Variants in SCAF8 observed in about 807,000 individuals in gnomAD.
SCAF8 encodes the protein SR-related CTD associated factor 8.
Under a neutral mutation model 140.5 loss-of-function variants are expected in SCAF8, and 23 were observed. The observed-to-expected ratio is 0.16, with a 90% CI of 0.12 to 0.23. The LOEUF (loss-of-function observed/expected upper bound fraction) is 0.23, where lower values mean the gene tolerates loss of function less well. Ranked by LOEUF, SCAF8 falls within the 10% of genes least tolerant of loss-of-function variation. SCAF8 has a pLI of 1.00. For missense variants in SCAF8, 1,397 were observed against 1,555.7 expected, an observed-to-expected ratio of 0.90 and a Z score of 1.72; for synonymous variants, 575 against 528.9, an observed-to-expected ratio of 1.09 and a Z score of -1.20.
intron 12 of SCAF8, among the ~76,000 whole-genome samples, chr6:154,811,408 T>A (rs951631102): frequency 1.3e-5 from 2 of 151,972 alleles, no homozygotes; most frequent in African/African-American, 4.8e-5. Context: ...TTTTTTTTTT[T>A]AACCATTTAA....
intron 1 of SCAF8, among the ~76,000 whole-genome samples, chr6:154,770,386 A>ACACACACACACT (rs1776706039): frequency 7.5e-6 from 1 of 133,428 alleles, no homozygotes; most frequent in Non-Finnish European, 1.6e-5. Context: ...ACACACACAC[A>ACACACACACACT]CACTCTCTCT....
intron 1 of SCAF8, among the ~76,000 whole-genome samples, chr6:154,751,358 A>G (rs1202723514): frequency 6.6e-6 from 1 of 151,976 alleles, no homozygotes; most frequent in Non-Finnish European, 1.5e-5. Context: ...ACTCCCGAGT[A>G]GCTGGGATTA....
rs370070073 is a variant in SCAF8 at position 154,733,949 on chromosome 6, T to C, written c.30+19T>C. The C allele has an allele frequency of 4.6e-6, 7 of 1,526,972 alleles. No homozygotes were observed. The African/African-American group carries it at 1.0e-4, about 22-fold the overall frequency. The allele number at this position is 1,526,972 out of a possible 1,614,324, so 94.6% of individuals were successfully genotyped here. On this transcript the variant is annotated intron_variant, in intron 1 of 19. Coordinates refer to ENST00000367178, the MANE Select transcript of SCAF8 (RefSeq NM_014892.5). ...TAGCGAGGTTGGTATGGCAGCCGGG[T>C]TCCCCTGCTCCTGCCCGCACCGCCC...
At chr6:154,776,284 A>T (rs902724668) in intron 2 of SCAF8, among the ~76,000 whole-genome samples, 1 of 150,810 alleles carries the variant, frequency 6.6e-6, no homozygotes, top group African/African-American at 2.4e-5. Context: ...AACTGCATTT[A>T]GTGTGTATAT....
chr6:154,784,122 TATATATATA>T (rs1040492997), intron 3 of SCAF8, among the ~76,000 whole-genome samples: 11 of 18,690 alleles, frequency 5.9e-4, no homozygotes, highest in South Asian at 3.1e-3. Context: ...TGTCTTGAGA[TATATATATA>T]TATATATATA....
At chr6:154,768,200 C>A (rs1310553258) in intron 1 of SCAF8, among the ~76,000 whole-genome samples, 1 of 152,170 alleles carries the variant, frequency 6.6e-6, no homozygotes, top group African/African-American at 2.4e-5. Context: ...GCAACTGCGG[C>A]TGAAGATCTC....
rs58596375 is a variant in SCAF8, at chr6:154,770,388, ACTCTCTCTCTCTCTCTCT to A, written c.31-3582_31-3565del. 8.0e-3 allele frequency among the ~76,000 whole-genome samples: 1,142 copies of A among 141,970 alleles called. 17 individuals carry two copies. Among genetic ancestry groups the A allele is most frequent in the African/African-American group, 0.027 (1,046 of 38,252 alleles). 93.1% of individuals were successfully genotyped at this position (141,970 alleles called of 152,430 possible). A position where few individuals can be genotyped will look rare whatever the true frequency, so the allele number is the denominator to read the frequency against. On this transcript the variant is annotated intron_variant, in intron 1 of 19. Transcript: ENST00000367178. ...TTGAGGTACACACACACACACACAC[ACTCTCTCTCTCTCTCTCT>A]CTCTCTCTCTCTCTCTCTAGTTGAG...
At chr6:154,733,971 G>T (rs1008715165) in intron 1 of SCAF8, 41 bp downstream of exon 1, 2 of 1,501,248 alleles carry the variant, frequency 1.3e-6, no homozygotes, top group South Asian at 1.3e-5. Context: ...TGCCCGCACC[G>T]CCCCCACCCC....
intron 11 of SCAF8, among the ~76,000 whole-genome samples, 171 bp from the exon 12 acceptor site, chr6:154,809,844 G>A (rs148186945): frequency 0.015 from 2,273 of 152,158 alleles, 20 homozygotes; most frequent in Middle Eastern, 0.044. Flanking sequence ...AGCAGCACAC[G>A]GATTTAAGTA....
At chr6:154,813,594 G>T (rs151291657) in intron 12 of SCAF8, among the ~76,000 whole-genome samples, 1 of 152,168 alleles carries the variant, frequency 6.6e-6, no homozygotes, top group Non-Finnish European at 1.5e-5. Flanking sequence ...AGGTTTTGTG[G>T]TAGATTGGAT....
At chr6:154,794,259 C>A (rs1777519942) in intron 5 of SCAF8, among the ~76,000 whole-genome samples, 1 of 152,074 alleles carries the variant, frequency 6.6e-6, no homozygotes, top group African/African-American at 2.4e-5. Context: ...TGTGTACTTA[C>A]TATAAAATTT....
At chr6:154,779,074 C>T (rs1237883280) in intron 3 of SCAF8, among the ~76,000 whole-genome samples, 2 of 151,916 alleles carry the variant, frequency 1.3e-5, no homozygotes, top group Non-Finnish European at 2.9e-5. Context: ...ACTCTGTCGC[C>T]CAAGCTGGAG....
intron 3 of SCAF8, 80 bp downstream of exon 3, chr6:154,778,125 G>A: frequency 2.7e-6 from 2 of 742,312 alleles, no homozygotes; most frequent in South Asian, 1.7e-5. Flanking sequence ...AAATACCCAA[G>A]TTTAAATTGT....
intron 12 of SCAF8, among the ~76,000 whole-genome samples, chr6:154,811,729 C>T (rs1451541942): frequency 7.9e-5 from 12 of 151,384 alleles, no homozygotes; most frequent in African/African-American, 1.9e-4. Context: ...TGATGCTCCC[C>T]GCCCTGTGTC....
At chr6:154,759,084 G>C (rs1208895511) in intron 1 of SCAF8, among the ~76,000 whole-genome samples, 6 of 152,120 alleles carry the variant, frequency 3.9e-5, no homozygotes, top group Non-Finnish European at 7.4e-5. Flanking sequence ...CATTTTTCAG[G>C]TTTGACTCTG....
chr6:154,831,219 G>C (rs755835221), intron 19 of SCAF8, 79 bp downstream of exon 19: 15 of 813,402 alleles, frequency 1.8e-5, no homozygotes, highest in Non-Finnish European at 2.4e-5. Flanking sequence ...GCATGCGTTT[G>C]TAACCACTTC....
chr6:154,823,890 A>T (rs1778490538), intron 16 of SCAF8, among the ~76,000 whole-genome samples: 1 of 152,240 alleles, frequency 6.6e-6, no homozygotes, highest in African/African-American at 2.4e-5. Flanking sequence ...TGTCATTGAC[A>T]TGTTTCCTAA....
chr6:154,769,330 A>G (rs1278883577), intron 1 of SCAF8, among the ~76,000 whole-genome samples: 1 of 152,138 alleles, frequency 6.6e-6, no homozygotes, highest in African/African-American at 2.4e-5. Context: ...CCAAAAGAAA[A>G]CAAAGCTTTG....
At chr6:154,754,488 T>A (rs980166582) in intron 1 of SCAF8, among the ~76,000 whole-genome samples, 1 of 152,222 alleles carries the variant, frequency 6.6e-6, no homozygotes, top group African/African-American at 2.4e-5. Context: ...CACAAGCAGT[T>A]TGATTTTAGT....
Sources: gnomAD v4.1 joint callset for allele counts (sites outside exome capture counted in the v4.1 genomes callset) on GRCh38, gnomAD v4.1.1 for gene constraint, MANE v1.5 for transcripts, NCBI Gene and HGNC (gene_info 2026-07-23, HGNC 2026-07-21) for gene names.